GJC1: variants seen among roughly 807,000 people sequenced by gnomAD.
The protein encoded by GJC1 is gap junction protein gamma 1, also known as gap junction gamma-1 protein.
In GJC1, 5 loss-of-function variants were observed where a neutral mutation model predicts 29.3. The observed-to-expected ratio is 0.17, with a 90% CI of 0.09 to 0.36. The LOEUF is 0.36. Ranked by LOEUF, GJC1 falls within the 10% of genes least tolerant of loss-of-function variation. The probability of loss-of-function intolerance (pLI) is 1.00; values close to 1 mark genes in which losing one functional copy is unlikely to be tolerated. For synonymous variants in GJC1, 177 were observed against 183.3 expected (o/e 0.97, Z 0.28); for missense variants, 310 against 496.2 (o/e 0.62, Z 3.56).
chr17:44,812,181 G>A (rs1229842979), intron 1 of GJC1, among the ~76,000 whole-genome samples: 1 of 151,500 alleles, frequency 6.6e-6, no homozygotes, highest in African/African-American at 2.4e-5. Context: ...GGGTGTGGTG[G>A]TACACGCTTG....
intron 1 of GJC1, among the ~76,000 whole-genome samples, chr17:44,822,227 CAT>C (rs1165173147): frequency 8.1e-6 from 1 of 123,548 alleles, no homozygotes; most frequent in African/African-American, 3.1e-5. Context: ...AAAAAAGAAA[CAT>C]ATATAATTTA....
Position 44,805,755 on chromosome 17 carries a change from C to G in GJC1, c.63G>C (p.Gly21=), listed in dbSNP as rs145668555. 6.2e-7 allele frequency: 1 copy of G among 1,613,966 alleles called. No individual in the cohort carries two copies. Among genetic ancestry groups the G allele is most frequent in the African/African-American group, 1.3e-5 (1 of 74,926 alleles). ...CAATCAGAACAGTGAGCCAGATCTTCCCCACAAATGTGGAATGGTTGTGAA... is the reference window on the plus strand; with the variant it reads ...CAATCAGAACAGTGAGCCAGATCTTGCCCACAAATGTGGAATGGTTGTGAA... ...EEIHNHSTFV[G]KIWLTVLIVF... is the part of the protein sequence containing the mutation. Residue 21 remains glycine, a synonymous_variant, in exon 3 of 3, where the codon GGG becomes GGC. Transcript: ENST00000592524. This position sits in a 1 kb window ranked among gnomAD's most constrained non-coding sequence, Gnocchi z 5.1.
intron 1 of GJC1, among the ~76,000 whole-genome samples, chr17:44,821,244 C>T (rs996820442): frequency 3.9e-5 from 6 of 152,152 alleles, no homozygotes; most frequent in African/African-American, 1.4e-4. Flanking sequence ...GCAAACAGGA[C>T]AATATTGGAA....
chr17:44,821,467 G>C (rs1378988740), intron 1 of GJC1, among the ~76,000 whole-genome samples: 1 of 152,016 alleles, frequency 6.6e-6, no homozygotes, highest in Admixed American at 6.6e-5. Context: ...GGAGGCTGAG[G>C]CAGGCGGATC....
intron 1 of GJC1, among the ~76,000 whole-genome samples, chr17:44,817,424 C>T (rs1424301281): frequency 1.3e-5 from 2 of 151,216 alleles, no homozygotes; most frequent in African/African-American, 4.9e-5. Flanking sequence ...AAAAGAAAAG[C>T]ACAAGGCCAG....
At chr17:44,827,551 G>A (rs932959095) in intron 1 of GJC1, among the ~76,000 whole-genome samples, 5 of 152,124 alleles carry the variant, frequency 3.3e-5, no homozygotes, top group Admixed American at 1.3e-4. Context: ...GTATACTCAG[G>A]AGGCTGAGGC....
chr17:44,822,613 C>T (rs1361289996), intron 1 of GJC1, among the ~76,000 whole-genome samples: 2 of 144,998 alleles, frequency 1.4e-5, no homozygotes, highest in Non-Finnish European at 3.0e-5. Flanking sequence ...ATTGCACTCC[C>T]GCCTGAGCAA....
intron 1 of GJC1, among the ~76,000 whole-genome samples, chr17:44,820,977 T>C (rs2050099095): frequency 6.6e-6 from 1 of 152,222 alleles, no homozygotes; most frequent in Non-Finnish European, 1.5e-5. Context: ...GCTATGAATA[T>C]TTGAAAAACC....
chr17:44,822,432 A>C (rs2050122223), intron 1 of GJC1, among the ~76,000 whole-genome samples: 1 of 151,654 alleles, frequency 6.6e-6, no homozygotes. Flanking sequence ...ACCTGAGGTC[A>C]GGAGTTCGAG....
intron 1 of GJC1, among the ~76,000 whole-genome samples, chr17:44,820,257 T>C (rs1161056510): frequency 3.3e-5 from 5 of 152,180 alleles, no homozygotes; most frequent in African/African-American, 1.2e-4. Context: ...CCACGGCTCC[T>C]GGGCGAAAAG....
At chr17:44,796,848 TAGAG>T (rs1169623690), downstream of GJC1, among the ~76,000 whole-genome samples, 8 of 151,840 alleles carry the variant, frequency 5.3e-5, no homozygotes, top group Non-Finnish European at 1.2e-4. Flanking sequence ...CGTATATATA[TAGAG>T]AGACAGACAG....
intron 1 of GJC1, among the ~76,000 whole-genome samples, chr17:44,811,732 G>A (rs2049984832): frequency 6.6e-6 from 1 of 151,984 alleles, no homozygotes; most frequent in South Asian, 2.1e-4. Flanking sequence ...AGGCCGGCGC[G>A]GTGGCTCACG....
In GJC1 at chr17:44,812,717, G is replaced by T. The variant is rs895448930; in HGVS notation, c.-96-5248C>A. Among the ~76,000 whole-genome samples, 3 of 150,748 alleles carry T rather than the reference G, an allele frequency of 2.0e-5. No homozygotes were observed. In the South Asian group the frequency reaches 6.3e-4, roughly 32 times the overall value. On this transcript the variant is annotated intron_variant, in intron 1 of 2. Transcript: ENST00000592524. ...GGCTGGAGTGCAGTGGCACAATCTCGGCTCTCTGCAACCTCCACCTCCCGG... is the reference window on the plus strand; with the variant it reads ...GGCTGGAGTGCAGTGGCACAATCTCTGCTCTCTGCAACCTCCACCTCCCGG...
intron 1 of GJC1, chr17:44,813,388 G>A (rs1455644463): frequency 6.6e-6 from 1 of 150,422 alleles, no homozygotes; most frequent in African/African-American, 2.4e-5. Flanking sequence ...AGAACCATGA[G>A]TTTCCTAAAA....
chr17:44,811,107 C>T (rs1040467768), intron 1 of GJC1, among the ~76,000 whole-genome samples: 8 of 150,092 alleles, frequency 5.3e-5, no homozygotes, highest in African/African-American at 2.0e-4. Flanking sequence ...GATGGAGTTT[C>T]GCTTTTGTTG....
intron 1 of GJC1, among the ~76,000 whole-genome samples, chr17:44,823,248 G>GTTTTT (rs10710605): frequency 4.1e-4 from 48 of 117,786 alleles, no homozygotes; most frequent in East Asian, 3.9e-3. Flanking sequence ...TTTCTTTCCT[G>GTTTTT]TTTTTTTTTT....
At chr17:44,819,907 T>C (rs1490542080) in intron 1 of GJC1, among the ~76,000 whole-genome samples, 1 of 151,858 alleles carries the variant, frequency 6.6e-6, no homozygotes, top group Non-Finnish European at 1.5e-5. Flanking sequence ...ACCCAGGCTG[T>C]AGTGCAGTGG....
chr17:44,796,888 T>C (rs999266005), downstream of GJC1, among the ~76,000 whole-genome samples: 2 of 152,158 alleles, frequency 1.3e-5, no homozygotes, highest in East Asian at 1.9e-4. Flanking sequence ...TGCTCTGTCA[T>C]CCAGGGTGGC....
Position 44,804,619 on chromosome 17 carries a change from C to T in GJC1, c.*8G>A, listed in dbSNP as rs566920032. 4.4e-5 allele frequency: 70 copies of T among 1,592,834 alleles called. No individual in the cohort carries two copies. In the African/African-American group the frequency reaches 5.2e-4, roughly 12 times the overall value. On this transcript the variant is annotated 3_prime_UTR_variant, in exon 3 of 3. Transcript: ENST00000592524. Reference sequence around the variant, plus strand: ...CTATGAAAAGCACAGGTTTTAAGCCCGCCAGGATTAAATCCAGACGGAGGT... The same window carrying T: ...CTATGAAAAGCACAGGTTTTAAGCCTGCCAGGATTAAATCCAGACGGAGGT...
Sources: allele counts gnomAD v4.1 joint callset (sites outside exome capture counted in the v4.1 genomes callset), GRCh38; gene constraint gnomAD v4.1.1; non-coding constraint Gnocchi (gnomAD v3.1); transcripts MANE v1.5; gene names NCBI Gene and HGNC (gene_info 2026-07-23, HGNC 2026-07-21).